Variants in RCC1L observed in about 807,000 individuals in gnomAD.
RCC1L encodes RCC1 like, also known as RCC1-like G exchanging factor-like protein.
In RCC1L, 46 loss-of-function variants were observed where a neutral mutation model predicts 58.6. That is an observed-to-expected ratio of 0.79 (90% CI 0.62 to 1.00). RCC1L has a LOEUF of 1.00. Among genes scored for constraint, RCC1L ranks in the 50% least tolerant of loss-of-function variants. The pLI is 0.00. For missense variants in RCC1L, 636 were observed against 623.6 expected (o/e 1.02, Z -0.21); for synonymous variants, 281 against 262.9 (o/e 1.07, Z -0.67).
chr7:75,031,142 T>A (rs1345434482), intron 10 of RCC1L, among the ~76,000 whole-genome samples: 2 of 152,176 alleles, frequency 1.3e-5, no homozygotes, highest in African/African-American at 4.8e-5. Flanking sequence ...CCTCTTTCTC[T>A]ATGCCAAAAT....
At chr7:75,041,493 TC>T (rs1247211793), downstream of RCC1L, among the ~76,000 whole-genome samples, 1 of 151,966 alleles carries the variant, frequency 6.6e-6, no homozygotes, top group East Asian at 1.9e-4. Flanking sequence ...GGCATGGGAG[TC>T]CAGCCTGTGA....
chr7:75,045,618 C>A (rs1339923421), intron 10 of RCC1L, among the ~76,000 whole-genome samples: 1 of 151,378 alleles, frequency 6.6e-6, no homozygotes, highest in Non-Finnish European at 1.5e-5. Flanking sequence ...CTGGTTCAAG[C>A]GATTCTCCTG....
intron 6 of RCC1L, 101 bp downstream of exon 6, chr7:75,061,106 T>C (rs1806264006): frequency 3.1e-6 from 3 of 964,056 alleles, no homozygotes; most frequent in Non-Finnish European, 5.1e-6. Flanking sequence ...AGAGCTGAAT[T>C]AAGGAAGAAG....
At chr7:75,058,796 T>C (rs1418610847) in intron 6 of RCC1L, 27 bp from the exon 7 acceptor site, 2 of 1,613,662 alleles carry the variant, frequency 1.2e-6, no homozygotes, top group East Asian at 4.5e-5. Context: ...TACAGATTTT[T>C]AATTATTCGC....
At chr7:75,041,251 G>A (rs1039480526), downstream of RCC1L, among the ~76,000 whole-genome samples, 1 of 143,206 alleles carries the variant, frequency 7.0e-6, no homozygotes, top group African/African-American at 2.5e-5. Flanking sequence ...AATAAATAAA[G>A]GGTAGCCCTC....
rs1041964053 is a variant in RCC1L, at chr7:75,027,705, C to T, written c.*327G>A. The stretch of plus-strand genomic sequence containing the variant: ...AAGCCCGCTCCGTGGGAGCTGCCCC[C>T]TGGGGACCCTGCTCCTCGGTCACAG... On this transcript the variant is annotated 3_prime_UTR_variant, in exon 11 of 11. Transcript: ENST00000614461. The T allele has an allele frequency of 4.9e-5, 19 of 384,724 alleles. 1 individual carries two copies. The highest frequency in any genetic ancestry group is 4.0e-4 in the African/African-American group (19 of 46,934). 23.8% of individuals were successfully genotyped at this position (384,724 alleles called of 1,614,324 possible).
chr7:75,055,859 T>A (rs1806059528), intron 9 of RCC1L, 42 bp downstream of exon 9: 1 of 1,612,850 alleles, frequency 6.2e-7, no homozygotes, highest in Non-Finnish European at 8.5e-7. Flanking sequence ...ACAGAGAACC[T>A]CTGCTGGGCT....
chr7:75,064,566 C>T lies in RCC1L; in HGVS notation c.650+16G>A, dbSNP rs1049270013. The T allele has an allele frequency of 9.9e-6, 16 of 1,613,618 alleles. No homozygotes were observed. The East Asian group carries it at 1.1e-4, about 11-fold the overall frequency. ...TTAACTCAACATGGGGAAGGGTAGG[C>T]CTTTTAGGAACTCACCTGTAAATTT... On this transcript the variant is annotated intron_variant, in intron 4 of 10. Coordinates refer to ENST00000610322, the MANE Select transcript of RCC1L (RefSeq NM_030798.5).
Position 75,042,219 on chromosome 7 carries a change from A to G in RCC1L, c.*813T>C, listed in dbSNP as rs1290807728. The stretch of plus-strand genomic sequence containing the variant: ...AAGGCAGAAAATAGACTTTATTCCA[A>G]GACAGATTTGTAAAAGATGTTTTTA... On this transcript the variant is annotated 3_prime_UTR_variant, in exon 11 of 11. Coordinates refer to ENST00000610322, the MANE Select transcript of RCC1L (RefSeq NM_030798.5). 1.0e-6 allele frequency: 1 copy of G among 985,496 alleles called. No individual in the cohort carries two copies. Among genetic ancestry groups the G allele is most frequent in the Non-Finnish European group, 1.2e-6 (1 of 829,946 alleles). 61.0% of individuals were successfully genotyped at this position (985,496 alleles called of 1,614,324 possible). A position where few individuals can be genotyped will look rare whatever the true frequency, so the allele number is the denominator to read the frequency against.
At chr7:75,068,378 G>T (rs2132010745) in intron 2 of RCC1L, among the ~76,000 whole-genome samples, 1 of 145,376 alleles carries the variant, frequency 6.9e-6, no homozygotes, top group South Asian at 2.2e-4. Context: ...CTTCTATACT[G>T]ACTTATAAAA....
At position 75,042,489 on chromosome 7, in the gene RCC1L, T is replaced by C. The variant is rs1163757792; in HGVS notation, c.*543A>G. ...ATGGAATCCCAGGCCACGGTGCTTC[T>C]AGTGTCCCCCCAGCGAGCTTGCGGT... On this transcript the variant is annotated 3_prime_UTR_variant, in exon 11 of 11. Transcript: ENST00000610322. The C allele has an allele frequency of 4.0e-6, 4 of 990,236 alleles. No homozygotes were observed. In the African/African-American group the frequency reaches 7.0e-5, roughly 17 times the overall value. 61.3% of individuals were successfully genotyped at this position (990,236 alleles called of 1,614,324 possible).
downstream of RCC1L, among the ~76,000 whole-genome samples, chr7:75,038,000 C>T (rs937755972): frequency 2.6e-5 from 4 of 152,200 alleles, no homozygotes; most frequent in Non-Finnish European, 4.4e-5. Context: ...GCAGCAGGAG[C>T]GTCTCGGGTA....
At chr7:75,041,723 G>C (rs1584487882), downstream of RCC1L, among the ~76,000 whole-genome samples, 1 of 151,926 alleles carries the variant, frequency 6.6e-6, no homozygotes, top group South Asian at 2.1e-4. Flanking sequence ...AATTAGCTGG[G>C]TGTGGTGGCG....
chr7:75,056,853 G>C, intron 8 of RCC1L: 3 of 907,028 alleles, frequency 3.3e-6, no homozygotes, highest in Non-Finnish European at 5.2e-6. Context: ...GGGTCTCACC[G>C]TGTTGCCCAG....
chr7:75,034,907 G>T (rs1402915946), intron 10 of RCC1L, among the ~76,000 whole-genome samples: 1 of 152,030 alleles, frequency 6.6e-6, no homozygotes, highest in Non-Finnish European at 1.5e-5. Context: ...TCCCACCCCA[G>T]CCTCCCAAAG....
intron 10 of RCC1L, among the ~76,000 whole-genome samples, chr7:75,034,012 G>A (rs1314081536): frequency 1.3e-5 from 2 of 152,184 alleles, no homozygotes; most frequent in African/African-American, 4.8e-5. Flanking sequence ...CAGCTCACAT[G>A]GTGAAGAAAG....
chr7:75,034,449 G>A (rs1198180060), intron 10 of RCC1L, among the ~76,000 whole-genome samples: 1 of 152,194 alleles, frequency 6.6e-6, no homozygotes, highest in Admixed American at 6.5e-5. Flanking sequence ...CAGGGAGGCG[G>A]AGGTTGCAGT....
intron 2 of RCC1L, among the ~76,000 whole-genome samples, chr7:75,068,022 T>TA (rs1185600220): frequency 8.6e-5 from 13 of 151,878 alleles, no homozygotes; most frequent in Admixed American, 3.3e-4. Context: ...ATAAAAGGTA[T>TA]AAAAAATGTA....
At chr7:75,071,577 T>C (rs1005619052) in intron 1 of RCC1L, among the ~76,000 whole-genome samples, 1 of 152,050 alleles carries the variant, frequency 6.6e-6, no homozygotes, top group Non-Finnish European at 1.5e-5. Flanking sequence ...GAGGCAGAGG[T>C]TGCAGTGAGC....
Sources: gnomAD v4.1 joint callset for allele counts (sites outside exome capture counted in the v4.1 genomes callset) on GRCh38, gnomAD v4.1.1 for gene constraint, MANE v1.5 for transcripts, NCBI Gene and HGNC (gene_info 2026-07-23, HGNC 2026-07-21) for gene names.